Variants in GCHFR observed in about 807,000 individuals in gnomAD.
GCHFR encodes the protein GTP cyclohydrolase I feedback regulator, also known as GTP cyclohydrolase 1 feedback regulatory protein.
Under a neutral mutation model 10.6 loss-of-function variants are expected in GCHFR, and 12 were observed. That is an observed-to-expected ratio of 1.13 (90% CI 0.72 to 1.83). The LOEUF is 1.83. Ranked by LOEUF, GCHFR falls within the 40% of genes most tolerant of loss-of-function variation. The pLI, the probability that GCHFR is intolerant of heterozygous loss-of-function variation, is 0.00. For missense variants in GCHFR, 116 were observed against 110.6 expected, an observed-to-expected ratio of 1.05 and a Z score of -0.22; for synonymous variants, 54 against 43.7, an observed-to-expected ratio of 1.24 and a Z score of -0.93.
chr15:40,764,160 C>T lies in GCHFR; in HGVS notation c.-21C>T, dbSNP rs772657462. On this transcript the variant is annotated 5_prime_UTR_variant, in exon 1 of 3. Transcript: ENST00000260447. ...TCCAGCCTAGAGCCCCCGGTGGGAG[C>T]CAGGCCGGGACGCGTGCACCATGCC... is the stretch of plus-strand genomic sequence containing the variant. The T allele has an allele frequency of 3.2e-6, 5 of 1,545,544 alleles. No homozygotes were observed. The highest frequency in any genetic ancestry group is 4.4e-6 in the Non-Finnish European group (5 of 1,146,582).
intron 1 of GCHFR, 97 bp downstream of exon 1, chr15:40,764,313 G>C (rs532898069): frequency 8.8e-7 from 1 of 1,140,594 alleles, no homozygotes; most frequent in Non-Finnish European, 1.2e-6. Flanking sequence ...ACCCACCGGG[G>C]ACTGGACCGG....
intron 2 of GCHFR, chr15:40,766,133 C>T (rs996101866): frequency 2.0e-5 from 8 of 404,922 alleles, no homozygotes; most frequent in African/African-American, 1.6e-4. Context: ...AAGCTTTCCA[C>T]ATCCTTACTG....
intron 1 of GCHFR, chr15:40,765,548 C>T (rs1416138978): frequency 7.7e-6 from 2 of 261,432 alleles, no homozygotes; most frequent in South Asian, 1.6e-4. Flanking sequence ...AAGCGATCCT[C>T]CCACCTCAGC....
intron 2 of GCHFR, chr15:40,766,673 T>C (rs1160440269): frequency 1.3e-5 from 2 of 152,364 alleles, no homozygotes; most frequent in African/African-American, 2.4e-5. Flanking sequence ...ACAGAAGGAC[T>C]ACCAGCACTC....
chr15:40,765,648 T>C, intron 1 of GCHFR, 179 bp from the exon 2 acceptor site: 1 of 396,922 alleles, frequency 2.5e-6, no homozygotes, highest in East Asian at 3.7e-5. Context: ...TTGCTCCTCC[T>C]GATCATTGAT....
In GCHFR at chr15:40,767,211, CCTGT is replaced by C. The variant is rs774346021; in HGVS notation, c.132-12_132-9del. ...GTGTGCCCCTCCTCACCCCCCCCAT[CCTGT>C]CTCTTTGCAGTTATGAATACTACGT... On this transcript the variant is annotated splice_polypyrimidine_tract_variant and intron_variant, in intron 2 of 2. Coordinates refer to ENST00000260447, the MANE Select transcript of GCHFR (RefSeq NM_005258.3). 3 of 1,494,754 alleles carry C rather than the reference CCTGT, an allele frequency of 2.0e-6. No homozygotes were observed. In the Admixed American group the frequency reaches 6.9e-5, roughly 34 times the overall value. 92.6% of individuals were successfully genotyped at this position (1,494,754 alleles called of 1,614,324 possible). A position where few individuals can be genotyped will look rare whatever the true frequency, so the allele number is the denominator to read the frequency against.
At chr15:40,764,350 C>G (rs1330358365) in intron 1 of GCHFR, 134 bp downstream of exon 1, 2 of 694,300 alleles carry the variant, frequency 2.9e-6, no homozygotes, top group Non-Finnish European at 4.3e-6. Context: ...GCCCCCTTGG[C>G]CGGGGAGAGG....
In GCHFR at chr15:40,767,661, G is replaced by A. The variant is rs1888982082; in HGVS notation, c.*312G>A. 6.8e-6 allele frequency: 4 copies of A among 587,692 alleles called. No homozygotes were observed. Among genetic ancestry groups the A allele is most frequent in the South Asian group, 4.8e-5 (2 of 42,082 alleles). The allele number at this position is 587,692 out of a possible 1,614,324, so 36.4% of individuals were successfully genotyped here. ...CTGGGCACTCCAGCGGCCCTGGCGC[G>A]TGGCTCCTGCATAGCTAGCCCAAGC... On this transcript the variant is annotated 3_prime_UTR_variant, in exon 3 of 3. Transcript: ENST00000260447.
chr15:40,766,108 C>T (rs1566816670), intron 2 of GCHFR, 187 bp downstream of exon 2: 6 of 426,218 alleles, frequency 1.4e-5, no homozygotes, highest in East Asian at 3.6e-5. Flanking sequence ...CTCTCCCCCA[C>T]GAGGCTTGCT....
chr15:40,764,489 C>T, intron 1 of GCHFR: 1 of 457,616 alleles, frequency 2.2e-6, no homozygotes, highest in Admixed American at 4.1e-5. Flanking sequence ...GCGCTTCCGG[C>T]TCCTGTCCTA....
rs1275631397 is a variant in GCHFR, at chr15:40,764,184, C to T, written c.4C>T (p.Pro2Ser). Residue 2 changes from proline (P) to serine (S), a missense_variant, in exon 1 of 3, where the codon CCC becomes TCC. Pro to Ser is a moderately conservative substitution (Grantham distance 74). Transcript: ENST00000260447. MPYLLISTQIRM... is the reference protein window; with the variant it reads MSYLLISTQIRM... ...GCCAGGCCGGGACGCGTGCACCATG[C>T]CCTACCTGCTCATCAGCACCCAGAT... 1.9e-6 allele frequency: 3 copies of T among 1,556,072 alleles called. No homozygotes were observed. Among genetic ancestry groups the T allele is most frequent in the African/African-American group, 1.4e-5 (1 of 73,160 alleles).
chr15:40,767,254 C>G lies in GCHFR; in HGVS notation c.160C>G (p.Arg54Gly). Residue 54 changes from arginine (R) to glycine (G), a missense_variant, in exon 3 of 3, where the codon CGC becomes GGC. Arg to Gly is a moderately radical substitution (Grantham distance 125). Transcript: ENST00000260447. ...FYEYYVDDPP[R>G]IVLDKLERRG... is the part of the protein sequence containing the mutation. ...TGAATACTACGTCGATGACCCTCCC[C>G]GCATAGTCCTGGACAAGCTGGAACG... The G allele has an allele frequency of 1.9e-6, 3 of 1,592,850 alleles. No homozygotes were observed. The highest frequency in any genetic ancestry group is 1.7e-5 in the Admixed American group (1 of 57,258).
At position 40,767,516 on chromosome 15, in the gene GCHFR, T is replaced by C. The variant is rs1185898696; in HGVS notation, c.*167T>C. 14 of 790,904 alleles carry C rather than the reference T, an allele frequency of 1.8e-5. 1 individual carries two copies. Among genetic ancestry groups the C allele is most frequent in the Non-Finnish European group, 2.6e-5 (14 of 531,198 alleles). The allele number at this position is 790,904 out of a possible 1,614,324, so 49.0% of individuals were successfully genotyped here. A position where few individuals can be genotyped will look rare whatever the true frequency, so the allele number is the denominator to read the frequency against. On this transcript the variant is annotated 3_prime_UTR_variant, in exon 3 of 3. Coordinates refer to ENST00000260447, the MANE Select transcript of GCHFR (RefSeq NM_005258.3). ...GAATGGCCTTCTCTGAAACCCTGCG[T>C]CAAGCAGTGGGAGAGGGCAGTGCCC... is the stretch of plus-strand genomic sequence containing the variant.
At chr15:40,764,400 C>G in intron 1 of GCHFR, 184 bp downstream of exon 1, 1 of 483,012 alleles carries the variant, frequency 2.1e-6, no homozygotes, top group Non-Finnish European at 3.6e-6. Context: ...CGGGACTCAG[C>G]GAGCTCTGGC....
chr15:40,765,446 T>C (rs1393273641), intron 1 of GCHFR: 2 of 156,580 alleles, frequency 1.3e-5, no homozygotes, highest in African/African-American at 2.4e-5. Context: ...TATTTTGTTT[T>C]GTTTTTTTGA....
Position 40,767,465 on chromosome 15 carries a change from C to T in GCHFR, c.*116C>T, listed in dbSNP as rs985303127. 5 of 1,212,822 alleles carry T rather than the reference C, an allele frequency of 4.1e-6. No individual in the cohort carries two copies. In the East Asian group the frequency reaches 1.1e-4, roughly 27 times the overall value. 75.1% of individuals were successfully genotyped at this position (1,212,822 alleles called of 1,614,324 possible). A position where few individuals can be genotyped will look rare whatever the true frequency, so the allele number is the denominator to read the frequency against. ...CTCCTCTCTTCCCAAATCATCACCG[C>T]CATGGGCCCAGCCCCAAAGGGCAGT... On this transcript the variant is annotated 3_prime_UTR_variant, in exon 3 of 3. Coordinates refer to ENST00000260447, the MANE Select transcript of GCHFR (RefSeq NM_005258.3).
chr15:40,767,295 G>A lies in GCHFR; in HGVS notation c.201G>A (p.Val67=). ...LDKLERRGFR[V]LSMTGVGQTL... ...AGCTGGAACGCAGGGGCTTCCGTGT[G>A]CTGAGCATGACGGGGGTGGGCCAGA... The change falls in exon 3 of 3, where the codon GTG becomes GTA. Residue 67 remains valine, a synonymous_variant. Transcript: ENST00000260447. The A allele has an allele frequency of 1.2e-6, 2 of 1,605,394 alleles. No homozygotes were observed. Among genetic ancestry groups the A allele is most frequent in the Non-Finnish European group, 1.7e-6 (2 of 1,176,088 alleles).
chr15:40,765,739 G>A lies in GCHFR; in HGVS notation c.37-88G>A, dbSNP rs1888932669. 5.2e-6 allele frequency: 3 copies of A among 582,384 alleles called. No individual in the cohort carries two copies. The Admixed American group carries it at 9.3e-5, about 18-fold the overall frequency. The allele number at this position is 582,384 out of a possible 1,614,324, so 36.1% of individuals were successfully genotyped here. A position where few individuals can be genotyped will look rare whatever the true frequency, so the allele number is the denominator to read the frequency against. On this transcript the variant is annotated intron_variant, in intron 1 of 2. Transcript: ENST00000260447. ...GTAGCCTTTACCTGAACCTTACTCA[G>A]GGCTAGCAGGCAGGGGAGGAAGGAC...
chr15:40,765,077 C>T (rs965752430), intron 1 of GCHFR: 4 of 152,208 alleles, frequency 2.6e-5, no homozygotes, highest in Admixed American at 2.0e-4. Flanking sequence ...AATGTGGATT[C>T]CTGGGTCCCT....
Sources: allele counts gnomAD v4.1 joint callset, GRCh38; gene constraint gnomAD v4.1.1; transcripts MANE v1.5; gene names NCBI Gene and HGNC (gene_info 2026-07-23, HGNC 2026-07-21).